Variants in CFAP45 observed in about 807,000 individuals in gnomAD.
CFAP45 encodes the protein cilia and flagella associated protein 45.
CFAP45 carries 43 observed loss-of-function variants against 75.6 expected under a neutral mutation model. The observed-to-expected ratio is 0.57, with a 90% CI of 0.45 to 0.73. The LOEUF is 0.73. Among genes scored for constraint, CFAP45 ranks in the 30% least tolerant of loss-of-function variants. The pLI, the probability that CFAP45 is intolerant of heterozygous loss-of-function variation, is 0.00. For synonymous variants in CFAP45, 223 were observed against 244.6 expected (o/e 0.91, Z 0.82); for missense variants, 689 against 701.5 (o/e 0.98, Z 0.20).
chr1:159,887,595 T>C (rs1470616829), intron 5 of CFAP45, among the ~76,000 whole-genome samples: 2 of 152,230 alleles, frequency 1.3e-5, no homozygotes, highest in Non-Finnish European at 2.9e-5. Context: ...TTTACCACCC[T>C]CAAGTTACAA....
In CFAP45 at chr1:159,880,578, C is replaced by T. The variant is rs1160439857; in HGVS notation, c.1020G>A (p.Val340=). ...LAQEKLADQM[V]MEFTKKKMAR... ...CCATCTTCTTCTTGGTAAACTCCAT[C>T]ACCATCTGGTCTGCCAGCTTCTCCT... Residue 340 remains valine, a synonymous_variant, in exon 8 of 12, where the codon GTG becomes GTA. Transcript: ENST00000368099. The T allele has an allele frequency of 1.9e-6, 3 of 1,613,288 alleles. No homozygotes were observed. The South Asian group carries it at 3.3e-5, about 18-fold the overall frequency.
At chr1:159,886,740 T>C (rs1649697332) in intron 5 of CFAP45, 51 bp from the exon 6 acceptor site, 1 of 1,491,934 alleles carries the variant, frequency 6.7e-7, no homozygotes, top group African/African-American at 1.4e-5. Flanking sequence ...TGTGTAAGTT[T>C]AAGGGGAAGA....
intron 3 of CFAP45, among the ~76,000 whole-genome samples, chr1:159,890,090 T>G (rs1461979126): frequency 1.3e-5 from 2 of 152,294 alleles, no homozygotes; most frequent in Non-Finnish European, 2.9e-5. Context: ...TCAGTTTCCC[T>G]TTGCTTCAGA....
chr1:159,887,098 G>A (rs1649706913), intron 5 of CFAP45, among the ~76,000 whole-genome samples: 2 of 152,150 alleles, frequency 1.3e-5, no homozygotes, highest in Non-Finnish European at 2.9e-5. Flanking sequence ...ACTCCAGGTT[G>A]GACCCCTTGT....
chr1:159,889,328 T>C (rs1649772747), intron 3 of CFAP45, among the ~76,000 whole-genome samples: 2 of 152,072 alleles, frequency 1.3e-5, no homozygotes, highest in Admixed American at 1.3e-4. Flanking sequence ...TACATGCCAA[T>C]TTGACAGGTA....
rs981347225 is a variant in CFAP45 at position 159,893,075 on chromosome 1, T to C, written c.129+105A>G. 3 of 1,311,030 alleles carry C rather than the reference T, an allele frequency of 2.3e-6. No individual in the cohort carries two copies. The African/African-American group carries it at 4.4e-5, about 19-fold the overall frequency. The allele number at this position is 1,311,030 out of a possible 1,614,324, so 81.2% of individuals were successfully genotyped here. ...TTCCCCTTTGTCTTCAGTCTGAGAGTTACCTACGAGAGCAAGGTTACTCAG... is the reference window on the plus strand; with the variant it reads ...TTCCCCTTTGTCTTCAGTCTGAGAGCTACCTACGAGAGCAAGGTTACTCAG... On this transcript the variant is annotated intron_variant, in intron 2 of 11. Transcript: ENST00000368099.
intron 1 of CFAP45, among the ~76,000 whole-genome samples, chr1:159,893,842 T>C (rs1265467967): frequency 6.6e-6 from 1 of 151,548 alleles, no homozygotes; most frequent in Admixed American, 6.6e-5. Flanking sequence ...ATGACTAGAG[T>C]TAACAATAAT....
intron 7 of CFAP45, among the ~76,000 whole-genome samples, chr1:159,882,384 T>A (rs1275272607): frequency 1.3e-5 from 2 of 152,212 alleles, no homozygotes; most frequent in South Asian, 2.1e-4. Context: ...CATACAATCA[T>A]GTATTTATTT....
At chr1:159,879,743 C>A (rs1437922723) in intron 8 of CFAP45, among the ~76,000 whole-genome samples, 1 of 152,078 alleles carries the variant, frequency 6.6e-6, no homozygotes, top group East Asian at 1.9e-4. Context: ...ATACTCACAC[C>A]CTCCCCCTGG....
At chr1:159,888,554 T>TGAC in intron 3 of CFAP45, 58 bp from the exon 4 acceptor site, 66 of 1,522,246 alleles carry the variant, frequency 4.3e-5, no homozygotes, top group Middle Eastern at 2.0e-4. Flanking sequence ...AGCACCACAC[T>TGAC]TCAGGCTTCT....
At chr1:159,882,812 T>C (rs964561902) in intron 7 of CFAP45, among the ~76,000 whole-genome samples, 1 of 152,176 alleles carries the variant, frequency 6.6e-6, no homozygotes, top group African/African-American at 2.4e-5. Flanking sequence ...CCCACTACCT[T>C]GCATATTTGC....
chr1:159,883,208 A>G (rs976004215), intron 7 of CFAP45, among the ~76,000 whole-genome samples: 1 of 152,212 alleles, frequency 6.6e-6, no homozygotes, highest in Non-Finnish European at 1.5e-5. Flanking sequence ...GCAATCATAC[A>G]AATTCAGAAT....
At chr1:159,874,299 G>T (rs1182814058) in intron 10 of CFAP45, among the ~76,000 whole-genome samples, 1 of 152,076 alleles carries the variant, frequency 6.6e-6, no homozygotes, top group East Asian at 1.9e-4. Context: ...CTACAACACT[G>T]CTTCATTTCC....
intron 7 of CFAP45, among the ~76,000 whole-genome samples, chr1:159,881,938 C>T (rs1177726010): frequency 6.6e-6 from 1 of 152,240 alleles, no homozygotes; most frequent in Non-Finnish European, 1.5e-5. Flanking sequence ...TCTCCAAAGA[C>T]TAAATCCCTC....
chr1:159,873,911 T>C (rs1649342686), intron 10 of CFAP45, among the ~76,000 whole-genome samples: 1 of 129,796 alleles, frequency 7.7e-6, no homozygotes, highest in Non-Finnish European at 1.7e-5. Context: ...CCTCCCTCTA[T>C]GCTTGGAAAT....
chr1:159,877,289 AAAGGGATGGATAGGC>A, intron 9 of CFAP45, 45 bp downstream of exon 9: 1 of 1,190,546 alleles, frequency 8.4e-7, no homozygotes, highest in Non-Finnish European at 1.3e-6. Flanking sequence ...ACAGGCTGTC[AAAGGGATGGATAGGC>A]AAGGGAGTGG....
At chr1:159,882,739 C>T (rs1649580143) in intron 7 of CFAP45, among the ~76,000 whole-genome samples, 1 of 152,184 alleles carries the variant, frequency 6.6e-6, no homozygotes, top group Admixed American at 6.5e-5. Context: ...CTAGAACTTC[C>T]TCAGTGAGCC....
At chr1:159,880,041 C>A (rs1408145867) in intron 8 of CFAP45, among the ~76,000 whole-genome samples, 1 of 152,228 alleles carries the variant, frequency 6.6e-6, no homozygotes, top group African/African-American at 2.4e-5. Context: ...CATCCATCTG[C>A]AACTGTCTGC....
intron 7 of CFAP45, among the ~76,000 whole-genome samples, chr1:159,883,623 A>AAT (rs59275156): frequency 0.11 from 7,975 of 71,448 alleles, 200 homozygotes; most frequent in Middle Eastern, 0.16. Context: ...TTAACAATAA[A>AAT]ATATATATAT....
Sources: allele counts gnomAD v4.1 joint callset (sites outside exome capture counted in the v4.1 genomes callset), GRCh38; gene constraint gnomAD v4.1.1; transcripts MANE v1.5; gene names NCBI Gene and HGNC (gene_info 2026-07-23, HGNC 2026-07-21).